BBIP1: variants seen among roughly 807,000 people sequenced by gnomAD.
BBIP1 encodes BBSome interacting protein 1.
Under a neutral mutation model 8.9 loss-of-function variants are expected in BBIP1, and 6 were observed. The ratio of observed to expected loss-of-function variants is 0.67; its 90% CI spans 0.37 to 1.33. The LOEUF is 1.33. Ranked by LOEUF, BBIP1 falls within the 40% of genes most tolerant of loss-of-function variation. The pLI, the probability that BBIP1 is intolerant of heterozygous loss-of-function variation, is 0.02. For synonymous variants in BBIP1, 32 were observed against 33.4 expected, an observed-to-expected ratio of 0.96 and a Z score of 0.14; for missense variants, 111 against 109.2, an observed-to-expected ratio of 1.02 and a Z score of -0.07.
chr10:110,910,781 T>C (rs1846257150), intron 2 of BBIP1: 1 of 152,130 alleles, frequency 6.6e-6, no homozygotes, highest in Admixed American at 6.6e-5. Context: ...TGAGAAGGAA[T>C]AGTAAAGACC....
intron 2 of BBIP1, chr10:110,907,271 T>C (rs1297228370): frequency 1.3e-5 from 2 of 152,960 alleles, no homozygotes; most frequent in African/African-American, 4.8e-5. Flanking sequence ...TCCCAGCACT[T>C]TGGAAGGCCA....
In BBIP1 at chr10:110,915,584, G is replaced by C. The variant is rs568644102; in HGVS notation, c.37+2537C>G. Among the ~76,000 whole-genome samples the C allele has an allele frequency of 1.2e-4, 18 of 152,292 alleles. No homozygotes were observed. In the South Asian group the frequency reaches 3.7e-3, roughly 32 times the overall value. Reference sequence around the variant, plus strand: ...TACGTCCCCTAACTGGATTGCTTTAGAAGTTATTAACTACCATAAACTGAC... The same window carrying C: ...TACGTCCCCTAACTGGATTGCTTTACAAGTTATTAACTACCATAAACTGAC... On this transcript the variant is annotated intron_variant, in intron 2 of 3. Coordinates refer to ENST00000448814, the MANE Select transcript of BBIP1 (RefSeq NM_001195305.3).
At chr10:110,905,569 C>G (rs1441517002) in intron 2 of BBIP1, among the ~76,000 whole-genome samples, 3 of 151,012 alleles carry the variant, frequency 2.0e-5, no homozygotes, top group African/African-American at 4.9e-5. Flanking sequence ...CCTCCCCCCA[C>G]CCCTCCAAAA....
intron 2 of BBIP1, among the ~76,000 whole-genome samples, chr10:110,916,349 A>T (rs1432268388): frequency 1.3e-5 from 2 of 152,100 alleles, no homozygotes; most frequent in African/African-American, 2.4e-5. Flanking sequence ...GGCTAGGAGG[A>T]GTATACGACG....
In BBIP1 at chr10:110,900,613, A is replaced by G. The variant is rs537141023; in HGVS notation, c.113-87T>C. The G allele has an allele frequency of 3.6e-6, 4 of 1,110,490 alleles. No homozygotes were observed. The South Asian group carries it at 5.3e-5, about 15-fold the overall frequency. 68.8% of individuals were successfully genotyped at this position (1,110,490 alleles called of 1,614,324 possible). ...TTTGCAGCTAGAATGAAGGTCTAAA[A>G]AATTAATCTCTTGTCACTGAAAAAC... On this transcript the variant is annotated intron_variant, in intron 3 of 3. Transcript: ENST00000448814.
chr10:110,901,747 A>G, intron 2 of BBIP1, 135 bp from the exon 3 acceptor site: 3 of 665,404 alleles, frequency 4.5e-6, no homozygotes, highest in South Asian at 3.5e-5. Flanking sequence ...TAATATTGCC[A>G]TTAATTTCCT....
chr10:110,905,154 A>C (rs1228781801), intron 2 of BBIP1, among the ~76,000 whole-genome samples: 1 of 152,236 alleles, frequency 6.6e-6, no homozygotes. Context: ...ACTTGAAGGA[A>C]AACCAAATCT....
intron 1 of BBIP1, among the ~76,000 whole-genome samples, chr10:110,918,665 C>T (rs1019110227): frequency 6.6e-6 from 1 of 152,226 alleles, no homozygotes; most frequent in Non-Finnish European, 1.5e-5. Context: ...GTTAGGGCGG[C>T]CTGTAGAGCG....
chr10:110,912,162 T>C (rs1846294786), intron 2 of BBIP1: 1 of 151,264 alleles, frequency 6.6e-6, no homozygotes, highest in Non-Finnish European at 1.5e-5. Flanking sequence ...TCTTTTCTTT[T>C]TTTTTTTTTT....
At chr10:110,908,662 T>G (rs183689771) in intron 2 of BBIP1, among the ~76,000 whole-genome samples, 57 of 152,072 alleles carry the variant, frequency 3.7e-4, no homozygotes, top group African/African-American at 1.2e-3. Flanking sequence ...GAACACAGAA[T>G]AGGGAGCAAT....
chr10:110,901,717 T>A, intron 2 of BBIP1, 105 bp from the exon 3 acceptor site: 1 of 811,192 alleles, frequency 1.2e-6, no homozygotes. Context: ...CTATAGAAAG[T>A]GAACTACCCT....
intron 2 of BBIP1, among the ~76,000 whole-genome samples, chr10:110,914,121 G>C (rs1022358407): frequency 3.3e-5 from 5 of 152,100 alleles, no homozygotes; most frequent in Admixed American, 6.5e-5. Context: ...ATCTGACTTT[G>C]CAACTACAGT....
At chr10:110,907,978 A>G in intron 2 of BBIP1, 1 of 536,544 alleles carries the variant, frequency 1.9e-6, no homozygotes, top group Non-Finnish European at 3.3e-6. Context: ...GAATTCTTTA[A>G]AAGTGCAATC....
intron 2 of BBIP1, among the ~76,000 whole-genome samples, chr10:110,912,691 C>T (rs528076558): frequency 1.3e-5 from 2 of 151,970 alleles, no homozygotes; most frequent in Non-Finnish European, 2.9e-5. Context: ...GGATGGGATT[C>T]GGATGTTTTT....
At chr10:110,919,212 A>C, upstream of BBIP1, 1 of 177,488 alleles carries the variant, frequency 5.6e-6, no homozygotes, top group Non-Finnish European at 1.2e-5. Context: ...GGAAACAGGA[A>C]GCCAGGAATC....
intron 2 of BBIP1, chr10:110,911,242 T>G (rs1775741629): frequency 6.6e-6 from 1 of 152,186 alleles, no homozygotes; most frequent in African/African-American, 2.4e-5. Context: ...TTATAGAGGC[T>G]TATTACTAAA....
Position 110,900,464 on chromosome 10 carries a change from T to C in BBIP1, c.175A>G (p.Lys59Glu), listed in dbSNP as rs1332007527. 6.5e-7 allele frequency: 1 copy of C among 1,535,826 alleles called. No homozygotes were observed. Among genetic ancestry groups the C allele is most frequent in the Admixed American group, 2.0e-5 (1 of 50,964 alleles). ...VLCKPKLLPL[K>E]SLTLEKLEKM... ...TCTAGTTTTTCCAGAGTCAGAGATT[T>C]TAAGGGTAAAAGTTTGGGTTTACAC... Residue 59 changes from lysine (K) to glutamate (E), a missense_variant, in exon 4 of 4, where the codon AAA becomes GAA. Physicochemically the swap from Lys to Glu is moderately conservative, Grantham distance 56. Transcript: ENST00000448814.
chr10:110,918,037 AC>A lies in BBIP1; in HGVS notation c.37+83del, dbSNP rs1846466831. 21 of 1,226,498 alleles carry A rather than the reference AC, an allele frequency of 1.7e-5. No individual in the cohort carries two copies. The South Asian group carries it at 2.1e-4, about 12-fold the overall frequency. 76.0% of individuals were successfully genotyped at this position (1,226,498 alleles called of 1,614,324 possible). On this transcript the variant is annotated intron_variant, in intron 2 of 3. Coordinates refer to ENST00000448814, the MANE Select transcript of BBIP1 (RefSeq NM_001195305.3). Reference sequence around the variant, plus strand: ...AGTTCATTTTGGCTGGCGTGTAAGTACTAAGGAAGCAGAAATTAAGTCGAGA... The same window carrying A: ...AGTTCATTTTGGCTGGCGTGTAAGTATAAGGAAGCAGAAATTAAGTCGAGA...
intron 2 of BBIP1, chr10:110,902,614 G>A (rs1846031157): frequency 6.6e-6 from 1 of 152,136 alleles, no homozygotes; most frequent in Admixed American, 6.5e-5. Context: ...CCACTACTTT[G>A]ACATTCCTAA....
Sources: gnomAD v4.1 joint callset for allele counts (sites outside exome capture counted in the v4.1 genomes callset) on GRCh38, gnomAD v4.1.1 for gene constraint, MANE v1.5 for transcripts, NCBI Gene and HGNC (gene_info 2026-07-23, HGNC 2026-07-21) for gene names.